GLP1R: variants seen among roughly 807,000 people sequenced by gnomAD.
GLP1R encodes the protein glucagon-like peptide 1 receptor.
A neutral mutation model predicts 68.4 loss-of-function variants in GLP1R; 32 were observed. The observed-to-expected ratio is 0.47, with a 90% CI of 0.35 to 0.63. GLP1R has a LOEUF of 0.63. Ranked by LOEUF, GLP1R falls within the 20% of genes least tolerant of loss-of-function variation. GLP1R has a pLI of 0.00. For missense variants in GLP1R, 502 were observed against 594.9 expected (o/e 0.84, Z 1.62); for synonymous variants, 263 against 244.4 (o/e 1.08, Z -0.71).
Position 39,048,992 on chromosome 6 carries a change from G to A in GLP1R, c.78+74G>A, listed in dbSNP as rs548133988. The A allele has an allele frequency of 1.2e-4, 71 of 604,882 alleles. 2 individuals are homozygous for A. The Middle Eastern group carries it at 1.5e-3, about 13-fold the overall frequency. 37.5% of individuals were successfully genotyped at this position (604,882 alleles called of 1,614,324 possible). A position where few individuals can be genotyped will look rare whatever the true frequency, so the allele number is the denominator to read the frequency against. ...GGGCTGCAGGCGCAGTGTCCTGGTGGAGGGCCCCGGGACTTGAACGAAACT... is the reference window on the plus strand; with the variant it reads ...GGGCTGCAGGCGCAGTGTCCTGGTGAAGGGCCCCGGGACTTGAACGAAACT... On this transcript the variant is annotated intron_variant, in intron 1 of 12. Coordinates refer to ENST00000373256, the MANE Select transcript of GLP1R (RefSeq NM_002062.5).
intron 12 of GLP1R, among the ~76,000 whole-genome samples, chr6:39,084,233 A>C (rs1036261155): frequency 1.3e-5 from 2 of 152,226 alleles, no homozygotes; most frequent in African/African-American, 4.8e-5. Flanking sequence ...GCTACTTTGC[A>C]GGGTTGATGT....
chr6:39,058,811 T>A (rs1768283269), intron 3 of GLP1R, among the ~76,000 whole-genome samples: 1 of 152,168 alleles, frequency 6.6e-6, no homozygotes, highest in South Asian at 2.1e-4. Context: ...CACAAAAAGT[T>A]TAAGTCACTT....
Position 39,079,653 on chromosome 6 carries a change from C to A in GLP1R, c.1133C>A (p.Thr378Asn). 6.2e-7 allele frequency: 1 copy of A among 1,612,440 alleles called. No individual in the cohort carries two copies. Among genetic ancestry groups the A allele is most frequent in the South Asian group, 1.1e-5 (1 of 90,802 alleles). ...GTGATGGACGAGCACGCCCGGGGGA[C>A]CCTGCGCTTCATCAAGCTGTTTACA... ...AFVMDEHARG[T>N]LRFIKLFTEL... The change falls in exon 11 of 13, where the codon ACC becomes AAC. Residue 378 changes from threonine to asparagine, a missense_variant. Thr to Asn is a moderately conservative substitution (Grantham distance 65). Coordinates refer to ENST00000373256, the MANE Select transcript of GLP1R (RefSeq NM_002062.5). The surrounding 1 kb of genome is among the most constrained non-coding windows in gnomAD (Gnocchi z 4.5).
intron 1 of GLP1R, among the ~76,000 whole-genome samples, chr6:39,050,802 G>A (rs982678570): frequency 2.6e-5 from 4 of 152,192 alleles, no homozygotes; most frequent in African/African-American, 9.7e-5. Context: ...ATGGGGGAAT[G>A]AAAGCTCAGA....
chr6:39,073,074 C>T (rs1768718954), intron 6 of GLP1R, 59 bp downstream of exon 6: 3 of 1,486,874 alleles, frequency 2.0e-6, no homozygotes, highest in East Asian at 4.5e-5. Flanking sequence ...AGGCCTGCCT[C>T]TGCCACCCTA....
At chr6:39,065,396 T>C (rs377397550) in intron 3 of GLP1R, among the ~76,000 whole-genome samples, 1 of 152,152 alleles carries the variant, frequency 6.6e-6, no homozygotes, top group East Asian at 1.9e-4. Flanking sequence ...ACTCCTGTCA[T>C]CTCAAAGGCA....
At chr6:39,073,810 G>A (rs762419978) in intron 7 of GLP1R, 41 bp downstream of exon 7, 28 of 1,590,488 alleles carry the variant, frequency 1.8e-5, no homozygotes, top group Non-Finnish European at 2.4e-5. Flanking sequence ...GTGGCACGGG[G>A]GTGGGAGACC....
At position 39,049,451 on chromosome 6, in the gene GLP1R, C is replaced by G. The variant is rs1383493427; in HGVS notation, c.78+533C>G. On this transcript the variant is annotated intron_variant, in intron 1 of 12. Coordinates refer to ENST00000373256, the MANE Select transcript of GLP1R (RefSeq NM_002062.5). This position sits in a 1 kb window ranked among gnomAD's most constrained non-coding sequence, Gnocchi z 4.5. ...GCTCCTCTCCCTTTCTCATCAGCCCCCAGCACAGCCTTTGATTCATGGCTC... is the reference window on the plus strand; with the variant it reads ...GCTCCTCTCCCTTTCTCATCAGCCCGCAGCACAGCCTTTGATTCATGGCTC... 6.6e-6 allele frequency among the ~76,000 whole-genome samples: 1 copy of G among 152,176 alleles called. No individual in the cohort carries two copies. The highest frequency in any genetic ancestry group is 2.4e-5 in the African/African-American group (1 of 41,434).
In GLP1R at chr6:39,072,905, G is replaced by A; in HGVS notation, c.553G>A (p.Ala185Thr). Residue 185 changes from alanine to threonine, a missense_variant, in exon 6 of 13, where the codon GCA (alanine) becomes ACA (threonine). Coordinates refer to ENST00000373256, the MANE Select transcript of GLP1R (RefSeq NM_002062.5). ...GAACTACATCCACCTGAACCTGTTT[G>A]CATCCTTCATCCTGCGAGCATTGTC... The part of the protein sequence containing the change: ...TRNYIHLNLF[A>T]SFILRALSVF... The A allele has an allele frequency of 6.2e-7, 1 of 1,614,134 alleles. No homozygotes were observed. The highest frequency in any genetic ancestry group is 8.5e-7 in the Non-Finnish European group (1 of 1,179,968).
rs200065197 is a variant in GLP1R at position 39,079,646 on chromosome 6, C to T, written c.1126C>T (p.Arg376Trp). The change falls in exon 11 of 13, where the codon CGG becomes TGG. Residue 376 changes from arginine to tryptophan, a missense_variant. By Grantham distance (101) the Arg-to-Trp change is moderately radical. Transcript: ENST00000373256. This position sits in a 1 kb window ranked among gnomAD's most constrained non-coding sequence, Gnocchi z 4.5. Reference sequence around the variant, plus strand: ...TGCCTTTGTGATGGACGAGCACGCCCGGGGGACCCTGCGCTTCATCAAGCT... The same window carrying T: ...TGCCTTTGTGATGGACGAGCACGCCTGGGGGACCCTGCGCTTCATCAAGCT... ...IFAFVMDEHA[R>W]GTLRFIKLFT... 34 of 1,611,968 alleles carry T rather than the reference C, an allele frequency of 2.1e-5. No individual in the cohort carries two copies. The highest frequency in any genetic ancestry group is 1.2e-4 in the Admixed American group (7 of 59,532).
At chr6:39,066,099 CTT>C in intron 4 of GLP1R, 96 bp from the exon 5 acceptor site, 1 of 716,856 alleles carries the variant, frequency 1.4e-6, no homozygotes, top group Non-Finnish European at 2.4e-6. Flanking sequence ...TGAGTCCTGA[CTT>C]GGGGCCCCAG....
At chr6:39,071,189 A>G (rs1768652949) in intron 5 of GLP1R, among the ~76,000 whole-genome samples, 1 of 151,992 alleles carries the variant, frequency 6.6e-6, no homozygotes, top group African/African-American at 2.4e-5. Flanking sequence ...TACTAAAAAT[A>G]CAAAAAATTA....
At chr6:39,077,164 A>G (rs2150834766) in intron 7 of GLP1R, among the ~76,000 whole-genome samples, 1 of 152,338 alleles carries the variant, frequency 6.6e-6, no homozygotes, top group Non-Finnish European at 1.5e-5. Context: ...AGGATCTCAC[A>G]GAGAAAACTC....
chr6:39,082,462 G>C (rs1432308122), intron 12 of GLP1R, among the ~76,000 whole-genome samples: 2 of 152,188 alleles, frequency 1.3e-5, no homozygotes, highest in Admixed American at 1.3e-4. Context: ...GCCAGGCAAA[G>C]AGTGGCCCAT....
chr6:39,072,848 G>C lies in GLP1R; in HGVS notation c.510-14G>C, dbSNP rs1261160470. On this transcript the variant is annotated splice_polypyrimidine_tract_variant and intron_variant, in intron 5 of 12. Transcript: ENST00000373256. ...GGCTGCCTTGCCAGGGAAAGGCCCTGCTTTCTCCCTCAGACACCTGCACTG... is the reference window on the plus strand; with the variant it reads ...GGCTGCCTTGCCAGGGAAAGGCCCTCCTTTCTCCCTCAGACACCTGCACTG... The C allele has an allele frequency of 1.2e-6, 2 of 1,611,344 alleles. No homozygotes were observed. The highest frequency in any genetic ancestry group is 1.7e-6 in the Non-Finnish European group (2 of 1,178,366).
chr6:39,063,682 G>A (rs1225557919), intron 3 of GLP1R, among the ~76,000 whole-genome samples: 7 of 152,096 alleles, frequency 4.6e-5, no homozygotes. Flanking sequence ...GAGCAGGGAG[G>A]CTGTCCTGGT....
At chr6:39,081,650 G>A (rs1158758597) in intron 12 of GLP1R, among the ~76,000 whole-genome samples, 2 of 152,186 alleles carry the variant, frequency 1.3e-5, no homozygotes, top group African/African-American at 2.4e-5. Context: ...TGGGTGTGGG[G>A]GATGCAGAAA....
intron 5 of GLP1R, among the ~76,000 whole-genome samples, chr6:39,070,455 A>G (rs1276838954): frequency 6.6e-6 from 1 of 151,952 alleles, no homozygotes; most frequent in Non-Finnish European, 1.5e-5. Flanking sequence ...TTACTTGTGC[A>G]TTTCTCTGGG....
intron 3 of GLP1R, among the ~76,000 whole-genome samples, chr6:39,058,398 G>A (rs970307296): frequency 6.6e-6 from 1 of 152,138 alleles, no homozygotes; most frequent in Non-Finnish European, 1.5e-5. Flanking sequence ...CTGCCTGCAA[G>A]GGGGACCTTG....
Sources: allele counts gnomAD v4.1 joint callset (sites outside exome capture counted in the v4.1 genomes callset), GRCh38; gene constraint gnomAD v4.1.1; non-coding constraint Gnocchi (gnomAD v3.1); transcripts MANE v1.5; gene names NCBI Gene and HGNC (gene_info 2026-07-23, HGNC 2026-07-21).